Variants in ZNF827 observed in about 807,000 individuals in gnomAD.
The protein encoded by ZNF827 is zinc finger protein 827.
ZNF827 carries 13 observed loss-of-function variants against 102.4 expected under a neutral mutation model. The ratio of observed to expected loss-of-function variants is 0.13; its 90% CI spans 0.08 to 0.20. The LOEUF is 0.20. Among genes scored for constraint, ZNF827 ranks in the 10% least tolerant of loss-of-function variants. The pLI is 1.00. For synonymous variants in ZNF827, 523 were observed against 536.2 expected, an observed-to-expected ratio of 0.98 and a Z score of 0.34; for missense variants, 1,103 against 1,344.4, an observed-to-expected ratio of 0.82 and a Z score of 2.81.
chr4:145,855,321 A>G (rs901969208), intron 5 of ZNF827, among the ~76,000 whole-genome samples: 18 of 152,206 alleles, frequency 1.2e-4, no homozygotes, highest in African/African-American at 4.3e-4. Flanking sequence ...CAATGGGATA[A>G]ATCAAAAATC....
Position 145,892,246 on chromosome 4 carries a change from C to A in ZNF827, c.1263G>T (p.Met421Ile), listed in dbSNP as rs1750662440. The A allele has an allele frequency of 4.4e-6, 7 of 1,607,404 alleles. No homozygotes were observed. Among genetic ancestry groups the A allele is most frequent in the Non-Finnish European group, 6.0e-6 (7 of 1,175,476 alleles). Residue 421 changes from methionine to isoleucine, a missense_variant, in exon 3 of 15, where the codon ATG becomes ATT. Met to Ile is a conservative substitution (Grantham distance 10, BLOSUM62 1). Coordinates refer to ENST00000508784, the MANE Select transcript of ZNF827 (RefSeq NM_001306215.2). ...GTGCAGTCGGTAGGTGGCTTACCTT[C>A]ATGTGGGATTTGAGATTGTCCTTGC... ...CARKDNLKSHMKVHQHQDRGE... is the reference protein window; with the variant it reads ...CARKDNLKSHIKVHQHQDRGE...
chr4:145,908,312 G>A (rs984430460), intron 1 of ZNF827, among the ~76,000 whole-genome samples: 1 of 152,176 alleles, frequency 6.6e-6, no homozygotes, highest in African/African-American at 2.4e-5. Flanking sequence ...GTTTTAATGA[G>A]AACAGGACTT....
At chr4:145,933,803 A>G (rs904954926) in intron 1 of ZNF827, among the ~76,000 whole-genome samples, 1 of 151,734 alleles carries the variant, frequency 6.6e-6, no homozygotes, top group Non-Finnish European at 1.5e-5. Flanking sequence ...AAAAAAAACA[A>G]AAAAACAAGA....
chr4:145,874,029 A>T (rs1303343913), intron 4 of ZNF827, among the ~76,000 whole-genome samples: 2 of 152,198 alleles, frequency 1.3e-5, no homozygotes, highest in Non-Finnish European at 2.9e-5. Flanking sequence ...ATGAAAAAAA[A>T]AAAACTATTG....
chr4:145,873,708 A>G (rs1477387755), intron 4 of ZNF827, among the ~76,000 whole-genome samples: 1 of 152,204 alleles, frequency 6.6e-6, no homozygotes, highest in South Asian at 2.1e-4. Flanking sequence ...TGCTCCTAAG[A>G]GGACTTGGTT....
At chr4:145,909,403 C>T (rs1752105084) in intron 1 of ZNF827, among the ~76,000 whole-genome samples, 1 of 152,242 alleles carries the variant, frequency 6.6e-6, no homozygotes, top group African/African-American at 2.4e-5. Context: ...AAAGCACCAT[C>T]AGGGCTCTCT....
chr4:145,761,607 G>A lies in ZNF827; in HGVS notation c.*18-9C>T. Reference sequence around the variant, plus strand: ...AAATGCAGAATGGGCACCTGCCGGGGAAAGCAACGCAAGGGAGGTTCAGCC... The same window carrying A: ...AAATGCAGAATGGGCACCTGCCGGGAAAAGCAACGCAAGGGAGGTTCAGCC... On this transcript the variant is annotated splice_polypyrimidine_tract_variant and intron_variant, in intron 14 of 14. Coordinates refer to ENST00000508784, the MANE Select transcript of ZNF827 (RefSeq NM_001306215.2). The surrounding 1 kb of genome is among the most constrained non-coding windows in gnomAD (Gnocchi z 6.8). 8.0e-7 allele frequency: 1 copy of A among 1,244,792 alleles called. No homozygotes were observed. Among genetic ancestry groups the A allele is most frequent in the Non-Finnish European group, 1.0e-6 (1 of 960,492 alleles). 77.1% of individuals were successfully genotyped at this position (1,244,792 alleles called of 1,614,324 possible).
chr4:145,883,844 G>C (rs971533185), intron 4 of ZNF827, among the ~76,000 whole-genome samples: 1 of 152,056 alleles, frequency 6.6e-6, no homozygotes, highest in African/African-American at 2.4e-5. Context: ...CCCATAAAAG[G>C]AGCCCCCTTT....
chr4:145,888,405 C>G (rs1450038596), intron 3 of ZNF827, among the ~76,000 whole-genome samples: 1 of 152,210 alleles, frequency 6.6e-6, no homozygotes, highest in Non-Finnish European at 1.5e-5. Flanking sequence ...GCACGTCATT[C>G]TCTCCAGGCC....
chr4:145,919,127 T>C (rs1209365812), intron 1 of ZNF827, among the ~76,000 whole-genome samples: 1 of 152,038 alleles, frequency 6.6e-6, no homozygotes, highest in African/African-American at 2.4e-5. Context: ...ACTGGTGGCA[T>C]ACTCTAGTAC....
At chr4:145,876,075 C>T (rs6840082) in intron 4 of ZNF827, among the ~76,000 whole-genome samples, 8,858 of 152,244 alleles carry the variant, frequency 0.058, 706 homozygotes, top group East Asian at 0.37. Flanking sequence ...AGGAGAGCTG[C>T]AGTTGTAGTA....
chr4:145,777,322 C>A (rs545414424), intron 9 of ZNF827, among the ~76,000 whole-genome samples: 28 of 152,152 alleles, frequency 1.8e-4, no homozygotes, highest in Admixed American at 6.5e-4. Context: ...AACTGTGGAG[C>A]TTTTTAAATC....
intron 4 of ZNF827, among the ~76,000 whole-genome samples, chr4:145,871,935 C>T (rs1355962980): frequency 6.6e-6 from 1 of 152,166 alleles, no homozygotes; most frequent in Non-Finnish European, 1.5e-5. Flanking sequence ...GTGTCCCTTA[C>T]CTGCCTCCAC....
chr4:145,837,412 G>A (rs866093653), intron 7 of ZNF827, among the ~76,000 whole-genome samples: 11 of 151,982 alleles, frequency 7.2e-5, no homozygotes, highest in Non-Finnish European at 1.0e-4. Flanking sequence ...CTGTATAGAC[G>A]CTCCTTTTTA....
rs574253100 is a variant in ZNF827, at chr4:145,826,471, C to A, written c.2280-2946G>T. Among the ~76,000 whole-genome samples the A allele has an allele frequency of 6.6e-5, 10 of 152,298 alleles. No individual in the cohort carries two copies. The South Asian group carries it at 2.1e-3, about 32-fold the overall frequency. ...GCCACCATTATTATAGTAGTCCCCC[C>A]TTACCCATGGTTTGGCTTTCTGTGA... On this transcript the variant is annotated intron_variant, in intron 7 of 14. Coordinates refer to ENST00000508784, the MANE Select transcript of ZNF827 (RefSeq NM_001306215.2).
chr4:145,917,970 G>A (rs1579567117), intron 1 of ZNF827, among the ~76,000 whole-genome samples: 1 of 152,066 alleles, frequency 6.6e-6, no homozygotes, highest in East Asian at 1.9e-4. Context: ...TATTTTAAAA[G>A]GAGAGTGAAA....
chr4:145,801,740 A>G lies in ZNF827; in HGVS notation c.2383+21682T>C, dbSNP rs149035487. 3.1e-3 allele frequency among the ~76,000 whole-genome samples: 469 copies of G among 152,330 alleles called. 1 individual carries two copies. Among genetic ancestry groups the G allele is most frequent in the African/African-American group, 0.011 (453 of 41,560 alleles). On this transcript the variant is annotated intron_variant, in intron 8 of 14. Transcript: ENST00000508784. ...GCAGAAGTAATGCCCCAAGGGTGGG[A>G]TGGAAATTACATTATGTTTTAATTG...
chr4:145,856,639 T>C (rs1276078533), intron 5 of ZNF827, among the ~76,000 whole-genome samples: 3 of 151,620 alleles, frequency 2.0e-5, no homozygotes, highest in African/African-American at 4.9e-5. Flanking sequence ...TCAAGAATGG[T>C]AGCTTTCAAC....
chr4:145,855,989 C>T (rs547222871), intron 5 of ZNF827, among the ~76,000 whole-genome samples: 2 of 151,962 alleles, frequency 1.3e-5, no homozygotes, highest in South Asian at 2.1e-4. Flanking sequence ...TCGATTGAGA[C>T]AAGCTTTATT....
Sources: allele counts gnomAD v4.1 joint callset (sites outside exome capture counted in the v4.1 genomes callset), GRCh38; gene constraint gnomAD v4.1.1; non-coding constraint Gnocchi (gnomAD v3.1); transcripts MANE v1.5; gene names NCBI Gene and HGNC (gene_info 2026-07-23, HGNC 2026-07-21).